TSNARE1: variants seen among roughly 807,000 people sequenced by gnomAD.
TSNARE1 encodes t-SNARE domain containing 1, also known as t-SNARE domain-containing protein 1.
TSNARE1 carries 49 observed loss-of-function variants against 62.0 expected under a neutral mutation model. The ratio of observed to expected loss-of-function variants is 0.79; its 90% confidence interval spans 0.63 to 1.00. The LOEUF (loss-of-function observed/expected upper bound fraction) is 1.00, where lower values mean the gene tolerates loss of function less well. Among genes scored for constraint, TSNARE1 ranks in the 50% least tolerant of loss-of-function variants. The probability of loss-of-function intolerance (pLI) is 0.00; values close to 1 mark genes in which losing one functional copy is unlikely to be tolerated. For synonymous variants in TSNARE1, 328 were observed against 294.4 expected, an observed-to-expected ratio of 1.11 and a Z score of -1.17; for missense variants, 755 against 700.1, an observed-to-expected ratio of 1.08 and a Z score of -0.88.
chr8:142,265,934 T>C (rs890200700), intron 12 of TSNARE1, among the ~76,000 whole-genome samples: 1 of 152,382 alleles, frequency 6.6e-6, no homozygotes, highest in South Asian at 2.1e-4. Context: ...CAGTTGAAAT[T>C]AGAGAGCTTT....
At chr8:142,340,122 C>G (rs1392894199) in intron 4 of TSNARE1, among the ~76,000 whole-genome samples, 1 of 152,116 alleles carries the variant, frequency 6.6e-6, no homozygotes, top group South Asian at 2.1e-4. Flanking sequence ...AGGAAGGAGG[C>G]GTCCATGAAG....
chr8:142,345,030 G>A (rs910875151), intron 3 of TSNARE1, among the ~76,000 whole-genome samples: 3 of 152,218 alleles, frequency 2.0e-5, no homozygotes, highest in East Asian at 1.9e-4. Context: ...GGCTGAGGCC[G>A]GTGGGGACGT....
intron 1 of TSNARE1, among the ~76,000 whole-genome samples, chr8:142,390,882 T>G (rs367965670): frequency 0.014 from 924 of 64,932 alleles, 2 homozygotes; most frequent in East Asian, 0.034. Flanking sequence ...TGTACACTGC[T>G]GGGGACTCTG....
intron 12 of TSNARE1, among the ~76,000 whole-genome samples, chr8:142,230,453 AT>A (rs1817048645): frequency 6.6e-6 from 1 of 152,200 alleles, no homozygotes; most frequent in Non-Finnish European, 1.5e-5. Context: ...GGAGAGTGAC[AT>A]GTTTAGCAGT....
Position 142,300,501 on chromosome 8 carries a change from G to A in TSNARE1, c.1275C>T (p.Ala425=). Residue 425 remains alanine, a synonymous_variant, in exon 10 of 14, where the codon GCC becomes GCT. Transcript: ENST00000524325. ...DLEAIRLREE[A]ILQMESNLLD... ...CCAGCCTCACCTCCATCTGCAGGAT[G>A]GCCTCCTCCCGCAGCCGGATGGCCT... 1.2e-6 allele frequency: 2 copies of A among 1,605,162 alleles called. No homozygotes were observed. Among genetic ancestry groups the A allele is most frequent in the Non-Finnish European group, 1.7e-6 (2 of 1,178,770 alleles).
At position 142,347,878 on chromosome 8, in the gene TSNARE1, G is replaced by C. The variant is rs1017144481; in HGVS notation, c.89-1986C>G. 5.9e-5 allele frequency among the ~76,000 whole-genome samples: 9 copies of C among 152,010 alleles called. No individual in the cohort carries two copies. The South Asian group carries it at 1.7e-3, about 28-fold the overall frequency. On this transcript the variant is annotated intron_variant, in intron 2 of 13. Transcript: ENST00000524325. ...CACTGCATCCGTTCACCCAAGTCCA[G>C]AAGGACATGTCATCACCTCACCACA... is the stretch of plus-strand genomic sequence containing the variant.
At chr8:142,255,821 TCAC>T (rs1462819039) in intron 12 of TSNARE1, among the ~76,000 whole-genome samples, 14 of 9,500 alleles carry the variant, frequency 1.5e-3, no homozygotes, top group Admixed American at 5.3e-3. Context: ...ACTGTCACCA[TCAC>T]CACCACCACC....
At chr8:142,378,213 A>G (rs1373638160) in intron 1 of TSNARE1, among the ~76,000 whole-genome samples, 1 of 152,262 alleles carries the variant, frequency 6.6e-6, no homozygotes, top group Non-Finnish European at 1.5e-5. Flanking sequence ...AACACCGCTC[A>G]GCATCACAAG....
intron 11 of TSNARE1, chr8:142,280,282 G>C: frequency 1.0e-6 from 1 of 985,340 alleles, no homozygotes; most frequent in Non-Finnish European, 1.2e-6. Flanking sequence ...GGCCGGCTCG[G>C]GGCTGCAGCT....
chr8:142,340,685 T>C (rs1223596654), intron 4 of TSNARE1, among the ~76,000 whole-genome samples: 1 of 152,228 alleles, frequency 6.6e-6, no homozygotes, highest in Non-Finnish European at 1.5e-5. Flanking sequence ...GGTGGGTTTG[T>C]TCCAGCTCAG....
chr8:142,277,657 TCAG>T (rs1820728124), intron 11 of TSNARE1: 2 of 985,310 alleles, frequency 2.0e-6, no homozygotes, highest in Admixed American at 1.2e-4. Context: ...TCAGTTGCTG[TCAG>T]CAGCAGGGCA....
intron 12 of TSNARE1, among the ~76,000 whole-genome samples, chr8:142,249,336 A>C (rs1462301997): frequency 6.6e-6 from 1 of 152,126 alleles, no homozygotes. Flanking sequence ...GGCAAGGAAC[A>C]GGAAGGGCCA....
At chr8:142,269,533 T>C (rs1311035990) in intron 12 of TSNARE1, 1 of 984,416 alleles carries the variant, frequency 1.0e-6, no homozygotes, top group African/African-American at 1.7e-5. Flanking sequence ...TTTGCTATGC[T>C]GTCCAGGCTG....
intron 12 of TSNARE1, 93 bp downstream of exon 12, chr8:142,274,688 G>A (rs1400656755): frequency 7.2e-7 from 1 of 1,388,462 alleles, no homozygotes; most frequent in Non-Finnish European, 9.4e-7. Flanking sequence ...CACAGGGCAG[G>A]GCCTGGGCCC....
intron 1 of TSNARE1, among the ~76,000 whole-genome samples, chr8:142,391,952 C>G (rs1315821368): frequency 6.6e-6 from 1 of 152,244 alleles, no homozygotes; most frequent in East Asian, 1.9e-4. Context: ...AGGTTTCCAA[C>G]GGTCTAAGTG....
chr8:142,301,867 G>A (rs1057305253), intron 9 of TSNARE1, among the ~76,000 whole-genome samples: 1 of 152,180 alleles, frequency 6.6e-6, no homozygotes, highest in Non-Finnish European at 1.5e-5. Flanking sequence ...AGGTGGGGCT[G>A]GCACCATGCT....
intron 1 of TSNARE1, among the ~76,000 whole-genome samples, chr8:142,401,007 G>A (rs56084534): frequency 0.073 from 11,065 of 152,186 alleles, 549 homozygotes; most frequent in Non-Finnish European, 0.11. Flanking sequence ...TTTCAGGACC[G>A]TGGAAGGATG....
chr8:142,377,892 C>G (rs572943501), intron 1 of TSNARE1, among the ~76,000 whole-genome samples: 1 of 152,340 alleles, frequency 6.6e-6, no homozygotes, highest in East Asian at 1.9e-4. Flanking sequence ...ATATAATATG[C>G]AGCATCTCTA....
At chr8:142,219,203 C>T (rs996492902) in intron 13 of TSNARE1, among the ~76,000 whole-genome samples, 2 of 152,172 alleles carry the variant, frequency 1.3e-5, no homozygotes, top group African/African-American at 4.8e-5. Context: ...GAAGGCAGCA[C>T]CCCCATTTCT....
Sources: allele counts gnomAD v4.1 joint callset (sites outside exome capture counted in the v4.1 genomes callset), GRCh38; gene constraint gnomAD v4.1.1; transcripts MANE v1.5; gene names NCBI Gene and HGNC (gene_info 2026-07-23, HGNC 2026-07-21).